Variants in KL observed in about 807,000 individuals in gnomAD.
The protein encoded by KL is alpha-klotho.
Under a neutral mutation model 84.2 loss-of-function variants are expected in KL, and 62 were observed. That is an observed-to-expected ratio of 0.74 (90% CI 0.60 to 0.91). The LOEUF is 0.91. Among genes scored for constraint, KL ranks in the 40% least tolerant of loss-of-function variants. The probability of loss-of-function intolerance (pLI) is 0.00; values close to 1 mark genes in which losing one functional copy is unlikely to be tolerated. For synonymous variants in KL, 528 were observed against 528.0 expected (o/e 1.00, Z 0.00); for missense variants, 1,261 against 1,305.7 (o/e 0.97, Z 0.53).
rs763468774 is a variant in KL, at chr13:33,066,080, T to G, written c.*1894T>G. On this transcript the variant is annotated 3_prime_UTR_variant, in exon 5 of 5. Coordinates refer to ENST00000380099, the MANE Select transcript of KL (RefSeq NM_004795.4). ...TGACTGTAAAGAGAAGTAATTTTGC[T>G]CCTTGATAAAGTATTATATTAATAA... is the stretch of plus-strand genomic sequence containing the variant. 4.0e-4 allele frequency: 70 copies of G among 173,166 alleles called. 1 individual carries two copies. The highest frequency in any genetic ancestry group is 2.4e-3 in the Middle Eastern group (1 of 424). 10.7% of individuals were successfully genotyped at this position (173,166 alleles called of 1,614,324 possible). A position where few individuals can be genotyped will look rare whatever the true frequency, so the allele number is the denominator to read the frequency against.
At chr13:33,053,536 T>C (rs1871829724) in intron 1 of KL, among the ~76,000 whole-genome samples, 1 of 152,208 alleles carries the variant, frequency 6.6e-6, no homozygotes, top group African/African-American at 2.4e-5. Flanking sequence ...GGAATCTACA[T>C]TTTTCCACTG....
intron 3 of KL, 34 bp from the exon 4 acceptor site, chr13:33,060,639 ACTGCCC>A: frequency 6.2e-7 from 1 of 1,613,438 alleles, no homozygotes; most frequent in South Asian, 1.1e-5. Flanking sequence ...CTTCCTCAGG[ACTGCCC>A]AGGTGACGCT....
At chr13:33,027,327 A>G (rs1040440153) in intron 1 of KL, among the ~76,000 whole-genome samples, 2 of 152,198 alleles carry the variant, frequency 1.3e-5, no homozygotes, top group African/African-American at 4.8e-5. Context: ...AGCATAAAGA[A>G]GTGCTATCTC....
intron 1 of KL, among the ~76,000 whole-genome samples, chr13:33,032,902 C>T (rs1195929481): frequency 6.6e-6 from 1 of 152,094 alleles, no homozygotes; most frequent in African/African-American, 2.4e-5. Flanking sequence ...TCCTTGATTT[C>T]CCTCAGCAAG....
At chr13:33,039,601 A>T (rs919624793) in intron 1 of KL, among the ~76,000 whole-genome samples, 6 of 152,290 alleles carry the variant, frequency 3.9e-5, no homozygotes, top group East Asian at 3.9e-4. Context: ...ATGGGAATTG[A>T]GCCAAATTTG....
chr13:33,027,155 G>T (rs1870808332), intron 1 of KL, among the ~76,000 whole-genome samples: 1 of 152,160 alleles, frequency 6.6e-6, no homozygotes, highest in South Asian at 2.1e-4. Flanking sequence ...CTCAGGATTT[G>T]CAGTGCATGC....
chr13:33,029,089 A>C (rs1870879389), intron 1 of KL, among the ~76,000 whole-genome samples: 1 of 152,234 alleles, frequency 6.6e-6, no homozygotes, highest in Admixed American at 6.5e-5. Context: ...ATGAACATAT[A>C]TTACTTGTAT....
intron 1 of KL, among the ~76,000 whole-genome samples, chr13:33,045,754 C>T (rs1044150445): frequency 6.6e-6 from 1 of 152,216 alleles, no homozygotes; most frequent in African/African-American, 2.4e-5. Flanking sequence ...GCTGGGATTA[C>T]AGGCATGAGC....
rs35287139 is a variant in KL, at chr13:33,062,672, C to CAAAA, written c.2701+911_2701+914dup. Among the ~76,000 whole-genome samples the CAAAA allele has an allele frequency of 1.9e-3, 131 of 67,794 alleles. 3 individuals are homozygous for CAAAA. Among genetic ancestry groups the CAAAA allele is most frequent in the Middle Eastern group, 9.8e-3 (1 of 102 alleles). The allele number at this position is 67,794 out of a possible 152,430, so 44.5% of individuals were successfully genotyped here. A position where few individuals can be genotyped will look rare whatever the true frequency, so the allele number is the denominator to read the frequency against. ...TGGGTGACAGAGCAAGACTCCATCTCAAAAAAAAAAAAAAAAAAAAAAGGA... is the reference window on the plus strand; with the variant it reads ...TGGGTGACAGAGCAAGACTCCATCTCAAAAAAAAAAAAAAAAAAAAAAAAAAGGA... On this transcript the variant is annotated intron_variant, in intron 4 of 4. Coordinates refer to ENST00000380099, the MANE Select transcript of KL (RefSeq NM_004795.4).
intron 1 of KL, among the ~76,000 whole-genome samples, chr13:33,025,749 T>G (rs955240589): frequency 6.6e-6 from 1 of 152,212 alleles, no homozygotes; most frequent in Non-Finnish European, 1.5e-5. Flanking sequence ...AAGATTGCAT[T>G]AACAATTTTG....
In KL at chr13:33,065,210, A is replaced by C. The variant is rs1872365575; in HGVS notation, c.*1024A>C. 2 of 218,320 alleles carry C rather than the reference A, an allele frequency of 9.2e-6. 1 individual carries two copies. The allele number at this position is 218,320 out of a possible 1,614,324, so 13.5% of individuals were successfully genotyped here. A position where few individuals can be genotyped will look rare whatever the true frequency, so the allele number is the denominator to read the frequency against. On this transcript the variant is annotated 3_prime_UTR_variant, in exon 5 of 5. Coordinates refer to ENST00000380099, the MANE Select transcript of KL (RefSeq NM_004795.4). ...AATTTCTTTGAGTTGATAGTTTTAC[A>C]AATTCTTAATAGGTTCAAAAGCAAT...
intron 1 of KL, among the ~76,000 whole-genome samples, chr13:33,042,477 G>A (rs560675913): frequency 6.6e-6 from 1 of 152,118 alleles, no homozygotes; most frequent in Non-Finnish European, 1.5e-5. Flanking sequence ...AAACAACTCT[G>A]TGAATGTACT....
rs902802536 is a variant in KL at position 33,054,301 on chromosome 13, A to G, written c.1330+24A>G. 3 of 1,608,016 alleles carry G rather than the reference A, an allele frequency of 1.9e-6. No individual in the cohort carries two copies. In the East Asian group the frequency reaches 6.7e-5, roughly 36 times the overall value. Reference sequence around the variant, plus strand: ...AGGTATGATTGTGGGTAAAGTTCTCATTTCCTGCCAAAATCTTCTGGAAAA... The same window carrying G: ...AGGTATGATTGTGGGTAAAGTTCTCGTTTCCTGCCAAAATCTTCTGGAAAA... On this transcript the variant is annotated intron_variant, in intron 2 of 4. Transcript: ENST00000380099.
chr13:33,054,714 A>G (rs1188012921), intron 2 of KL, among the ~76,000 whole-genome samples: 4 of 152,186 alleles, frequency 2.6e-5, no homozygotes, highest in Non-Finnish European at 5.9e-5. Flanking sequence ...TTATTTATTT[A>G]TTGCATCAGA....
intron 3 of KL, among the ~76,000 whole-genome samples, chr13:33,059,613 C>T (rs894640763): frequency 1.3e-5 from 2 of 152,052 alleles, no homozygotes; most frequent in Non-Finnish European, 2.9e-5. Flanking sequence ...GCTGGGATTA[C>T]AGGTGTGCAC....
chr13:33,037,009 A>G (rs954547468), intron 1 of KL, among the ~76,000 whole-genome samples: 3 of 152,228 alleles, frequency 2.0e-5, no homozygotes, highest in Non-Finnish European at 4.4e-5. Context: ...CTTTACCTTG[A>G]AGATTTAACA....
chr13:33,045,451 A>T (rs1871492584), intron 1 of KL, among the ~76,000 whole-genome samples: 3 of 152,150 alleles, frequency 2.0e-5, no homozygotes, highest in African/African-American at 7.2e-5. Context: ...TTTCACTGTA[A>T]TGTTGGCTGT....
At chr13:33,052,907 T>C (rs1049872204) in intron 1 of KL, among the ~76,000 whole-genome samples, 1 of 152,112 alleles carries the variant, frequency 6.6e-6, no homozygotes, top group Non-Finnish European at 1.5e-5. Flanking sequence ...TCACTTCAAG[T>C]AGGGGAGAAA....
chr13:33,016,828 A>G lies in KL; in HGVS notation c.388A>G (p.Asn130Asp). 1.2e-6 allele frequency: 2 copies of G among 1,612,772 alleles called. No individual in the cohort carries two copies. The highest frequency in any genetic ancestry group is 8.5e-7 in the Non-Finnish European group (1 of 1,179,776). The change falls in exon 1 of 5, where the codon AAC becomes GAC. Residue 130 changes from asparagine to aspartate, a missense_variant. Physicochemically the swap from Asn to Asp is conservative, Grantham distance 23 (BLOSUM62 1). Transcript: ENST00000380099. Reference protein sequence around the residue: ...ATGDVASDSYNNVFRDTEALR... With the variant: ...ATGDVASDSYDNVFRDTEALR... ...CGGGGACGTAGCCAGCGACAGCTACAACAACGTCTTCCGCGACACGGAGGC... is the reference window on the plus strand; with the variant it reads ...CGGGGACGTAGCCAGCGACAGCTACGACAACGTCTTCCGCGACACGGAGGC...
Sources: gnomAD v4.1 joint callset for allele counts (sites outside exome capture counted in the v4.1 genomes callset) on GRCh38, gnomAD v4.1.1 for gene constraint, MANE v1.5 for transcripts, NCBI Gene and HGNC (gene_info 2026-07-23, HGNC 2026-07-21) for gene names.